CLASP1: variants seen among roughly 807,000 people sequenced by gnomAD.
CLASP1 encodes cytoplasmic linker associated protein 1.
In CLASP1, 38 loss-of-function variants were observed where a neutral mutation model predicts 192.3. That is an observed-to-expected ratio of 0.20 (90% confidence interval 0.15 to 0.26). The LOEUF is 0.26. Ranked by LOEUF, CLASP1 falls within the 10% of genes least tolerant of loss-of-function variation. The pLI, the probability that CLASP1 is intolerant of heterozygous loss-of-function variation, is 1.00. For synonymous variants in CLASP1, 691 were observed against 712.8 expected (o/e 0.97, Z 0.49); for missense variants, 1,433 against 1,932.5 (o/e 0.74, Z 4.85).
At chr2:121,603,978 G>C (rs2105897967) in intron 2 of CLASP1, among the ~76,000 whole-genome samples, 1 of 152,268 alleles carries the variant, frequency 6.6e-6, no homozygotes, top group East Asian at 1.9e-4. Flanking sequence ...CAGCTAGATA[G>C]GAGAAATAAC....
At chr2:121,363,707 T>C (rs2066838685) in intron 36 of CLASP1, among the ~76,000 whole-genome samples, 1 of 148,552 alleles carries the variant, frequency 6.7e-6, no homozygotes, top group Non-Finnish European at 1.5e-5. Flanking sequence ...ATAAAGCACC[T>C]GGATGTTTCA....
intron 8 of CLASP1, among the ~76,000 whole-genome samples, chr2:121,482,088 G>T (rs1418752344): frequency 6.6e-6 from 1 of 152,220 alleles, no homozygotes; most frequent in East Asian, 1.9e-4. Context: ...TTAACTGAGA[G>T]TGTGAGCGGC....
rs70954550 is a variant in CLASP1 at position 121,470,293 on chromosome 2, CTTTTTTTTTTTTTT to C, written c.713-347_713-334del. 208 of 308,896 alleles carry C rather than the reference CTTTTTTTTTTTTTT, an allele frequency of 6.7e-4. 4 individuals are homozygous for C. The East Asian group carries it at 0.013, about 19-fold the overall frequency. The allele number at this position is 308,896 out of a possible 1,614,324, so 19.1% of individuals were successfully genotyped here. On this transcript the variant is annotated intron_variant, in intron 8 of 39. Transcript: ENST00000263710. ...TCTGCAACATTTCTGACCATCCATG[CTTTTTTTTTTTTTT>C]TTTTTTTTTTTTTGAAGACAGAGTC...
chr2:121,559,365 A>G (rs182973980), intron 2 of CLASP1, among the ~76,000 whole-genome samples: 1 of 152,356 alleles, frequency 6.6e-6, no homozygotes, highest in Non-Finnish European at 1.5e-5. Context: ...CAAGAGATTT[A>G]AAAATCTACA....
At chr2:121,481,114 T>A (rs2092564870) in intron 8 of CLASP1, among the ~76,000 whole-genome samples, 1 of 152,190 alleles carries the variant, frequency 6.6e-6, no homozygotes, top group South Asian at 2.1e-4. Context: ...CAAAGGGATG[T>A]AATGCAGATT....
At chr2:121,374,582 A>T (rs2069551725) in intron 34 of CLASP1, among the ~76,000 whole-genome samples, 1 of 152,220 alleles carries the variant, frequency 6.6e-6, no homozygotes, top group African/African-American at 2.4e-5. Flanking sequence ...CAGTCCATGA[A>T]AGCAGCTGTA....
intron 37 of CLASP1, among the ~76,000 whole-genome samples, chr2:121,354,481 T>C (rs760329228): frequency 7.2e-4 from 110 of 152,304 alleles, no homozygotes; most frequent in Non-Finnish European, 9.6e-4. Context: ...GCTGTGTACC[T>C]ATGTGGCTGA....
intron 34 of CLASP1, among the ~76,000 whole-genome samples, chr2:121,371,902 T>G (rs931252316): frequency 6.6e-6 from 1 of 152,214 alleles, no homozygotes; most frequent in Non-Finnish European, 1.5e-5. Flanking sequence ...CTCTCCAGTT[T>G]GTTCCTCAAC....
At chr2:121,423,128 A>G (rs759680342) in intron 22 of CLASP1, among the ~76,000 whole-genome samples, 4 of 152,164 alleles carry the variant, frequency 2.6e-5, no homozygotes, top group Admixed American at 1.3e-4. Flanking sequence ...TTATTCATAT[A>G]GATTTCTTTA....
chr2:121,628,987 T>C (rs2068932028), intron 1 of CLASP1, among the ~76,000 whole-genome samples: 1 of 151,856 alleles, frequency 6.6e-6, no homozygotes, highest in African/African-American at 2.4e-5. Flanking sequence ...TTTGTTTTGG[T>C]CATCCTTTTT....
chr2:121,582,448 AAG>A (rs758598115), intron 2 of CLASP1, among the ~76,000 whole-genome samples: 60 of 150,516 alleles, frequency 4.0e-4, no homozygotes, highest in Middle Eastern at 3.4e-3. Flanking sequence ...GGGAAGGAGG[AAG>A]AGAGAGAAAG....
At chr2:121,348,769 G>A (rs542339785) in intron 37 of CLASP1, 51 bp from the exon 39 acceptor site, 40 of 1,447,228 alleles carry the variant, frequency 2.8e-5, no homozygotes, top group East Asian at 9.7e-5. Context: ...CACATGAAGC[G>A]AAAGACCAAA....
chr2:121,401,622 C>T, exon 28 of CLASP1: 4 of 1,612,232 alleles, frequency 2.5e-6, no homozygotes, highest in Admixed American at 1.7e-5. Flanking sequence ...GTAAATCATC[C>T]TTATGAATTA....
chr2:121,545,533 C>T (rs555002072), intron 2 of CLASP1, among the ~76,000 whole-genome samples: 12 of 152,152 alleles, frequency 7.9e-5, no homozygotes, highest in African/African-American at 2.7e-4. Context: ...GTGTCATTTT[C>T]GTGCTGTAGA....
chr2:121,544,568 C>A (rs1036827319), intron 2 of CLASP1, among the ~76,000 whole-genome samples: 4 of 151,768 alleles, frequency 2.6e-5, no homozygotes, highest in African/African-American at 9.7e-5. Flanking sequence ...GGGAAAGGTG[C>A]ATTCATTTAT....
Position 121,575,770 on chromosome 2 carries a change from C to T in CLASP1, c.195+29931G>A, listed in dbSNP as rs371827609. ...TGAGGAGAGGCAGAAAGGAGGAGGA[C>T]GGATAAATACACCTAAGATAACATT... On this transcript the variant is annotated intron_variant, in intron 2 of 39. Coordinates refer to ENST00000263710, the Ensembl canonical transcript of CLASP1. Among the ~76,000 whole-genome samples, 165 of 152,268 alleles carry T rather than the reference C, an allele frequency of 1.1e-3. No individual in the cohort carries two copies. In the South Asian group the frequency reaches 0.021, roughly 19 times the overall value.
intron 22 of CLASP1, among the ~76,000 whole-genome samples, chr2:121,424,691 A>G (rs1259681638): frequency 6.6e-6 from 1 of 152,190 alleles, no homozygotes; most frequent in East Asian, 1.9e-4. Context: ...AACTATGCAT[A>G]TTTTTTCACC....
chr2:121,528,630 G>C (rs779545605), intron 4 of CLASP1, 47 bp downstream of exon 4: 2 of 1,445,762 alleles, frequency 1.4e-6, no homozygotes, highest in Non-Finnish European at 1.9e-6. Flanking sequence ...GCACGTGCAT[G>C]CACGCGCACT....
intron 24 of CLASP1, chr2:121,408,877 G>T: frequency 1.5e-6 from 1 of 687,186 alleles, no homozygotes; most frequent in South Asian, 1.7e-5. Flanking sequence ...AGACAACAAT[G>T]ATGGTGAATC....
Sources: allele counts gnomAD v4.1 joint callset (sites outside exome capture counted in the v4.1 genomes callset), GRCh38; gene constraint gnomAD v4.1.1; transcripts MANE v1.5; gene names NCBI Gene and HGNC (gene_info 2026-07-23, HGNC 2026-07-21).